Variants in MADD observed in about 807,000 individuals in gnomAD.
MADD encodes MAP kinase-activating death domain protein.
In MADD, 109 loss-of-function variants were observed where a neutral mutation model predicts 176.7. The observed-to-expected ratio is 0.62, with a 90% CI of 0.53 to 0.72. MADD has a LOEUF of 0.72. Among genes scored for constraint, MADD ranks in the 30% least tolerant of loss-of-function variants. The probability of loss-of-function intolerance (pLI) is 0.00; values close to 1 mark genes in which losing one functional copy is unlikely to be tolerated. For missense variants in MADD, 1,914 were observed against 2,045.5 expected (o/e 0.94, Z 1.24); for synonymous variants, 771 against 771.3 (o/e 1.00, Z 0.01).
intron 28 of MADD, 133 bp downstream of exon 31, chr11:47,323,968 C>A: frequency 9.9e-7 from 1 of 1,010,776 alleles, no homozygotes; most frequent in Non-Finnish European, 1.4e-6. Context: ...GGGTGGAGTA[C>A]CTAAAGCTGT....
At chr11:47,295,701 G>A in intron 21 of MADD, 122 bp downstream of exon 23, 1 of 1,557,324 alleles carries the variant, frequency 6.4e-7, no homozygotes, top group Non-Finnish European at 8.7e-7. Flanking sequence ...TCATGGTGGA[G>A]ATGTTTACCA....
chr11:47,302,393 T>C (rs570351133), intron 22 of MADD, among the ~76,000 whole-genome samples: 15 of 152,312 alleles, frequency 9.8e-5, no homozygotes, highest in Admixed American at 8.5e-4. Context: ...TTTGTATTTT[T>C]AGTAAAGACA....
intron 5 of MADD, 94 bp from the exon 6 acceptor site, chr11:47,278,071 G>T (rs2052264093): frequency 1.2e-6 from 1 of 826,704 alleles, no homozygotes; most frequent in Non-Finnish European, 2.1e-6. Flanking sequence ...AAGAGGGATT[G>T]TATCTGCATT....
intron 25 of MADD, 117 bp downstream of exon 28, chr11:47,309,729 C>G: frequency 2.8e-6 from 2 of 712,184 alleles, no homozygotes; most frequent in Non-Finnish European, 4.8e-6. Context: ...TTAGGGCTAT[C>G]TTCTTGATTG....
In MADD at chr11:47,328,716, G is replaced by T; in HGVS notation, c.4659+12G>T. 1 of 1,614,030 alleles carries T rather than the reference G, an allele frequency of 6.2e-7. No homozygotes were observed. The highest frequency in any genetic ancestry group is 8.5e-7 in the Non-Finnish European group (1 of 1,179,952). On this transcript the variant is annotated intron_variant, in intron 32 of 32. Transcript: ENST00000402192. The stretch of plus-strand genomic sequence containing the variant: ...ACAAGACACCAATGGTGAGTGTGCC[G>T]CTCAACCCTGATGGGCCACGGTGCG...
intron 22 of MADD, among the ~76,000 whole-genome samples, chr11:47,299,611 T>TTTG (rs2139813504): frequency 1.8e-5 from 1 of 56,390 alleles, no homozygotes; most frequent in South Asian, 7.4e-4. Flanking sequence ...TTTTTTTTTT[T>TTTG]TAGATGGAAC....
At chr11:47,303,264 CGG>C (rs1593950495) in intron 22 of MADD, among the ~76,000 whole-genome samples, 1 of 111,272 alleles carries the variant, frequency 9.0e-6, no homozygotes, top group East Asian at 2.8e-4. Context: ...TTTTTTGAGA[CGG>C]AGTCTCACTC....
intron 27 of MADD, among the ~76,000 whole-genome samples, chr11:47,322,627 A>C (rs938207214): frequency 3.9e-5 from 6 of 152,100 alleles, no homozygotes; most frequent in African/African-American, 1.2e-4. Context: ...AAGAACAGAT[A>C]ACTTCACCTG....
At chr11:47,310,634 G>C (rs539554068) in intron 25 of MADD, among the ~76,000 whole-genome samples, 8 of 151,826 alleles carry the variant, frequency 5.3e-5, no homozygotes, top group Non-Finnish European at 1.2e-4. Context: ...GACCAGGCGC[G>C]GTGGCTCATG....
chr11:47,296,766 T>TTTG (rs1555059861), intron 22 of MADD, among the ~76,000 whole-genome samples: 1 of 144,836 alleles, frequency 6.9e-6, no homozygotes, highest in Non-Finnish European at 1.5e-5. Context: ...TTTTTGTTGT[T>TTTG]TTTTTTTTTT....
At chr11:47,269,644 G>A (rs1239936726), upstream of MADD, 2 of 150,824 alleles carry the variant, frequency 1.3e-5, no homozygotes, top group African/African-American at 4.9e-5. Flanking sequence ...GCCCGGTGGA[G>A]GTAACCGCGG....
Position 47,289,484 on chromosome 11 carries a change from G to A in MADD, c.2747G>A (p.Ser916Asn), listed in dbSNP as rs766181855. 30 of 1,613,846 alleles carry A rather than the reference G, an allele frequency of 1.9e-5. No individual in the cohort carries two copies. The South Asian group carries it at 2.0e-4, about 11-fold the overall frequency. The stretch of plus-strand genomic sequence containing the variant: ...CCTCCATCACCCCAGGGTCGATCCA[G>A]CAATTCTAGGTAATAAATGGTAGAG... Residue 916 changes from serine to asparagine, a missense_variant, in exon 16 of 33, where the codon AGC becomes AAC. By Grantham distance (46) the Ser-to-Asn change is conservative. Around this residue, in one of 2 missense-constraint regions of MADD, gnomAD observed 1,767 missense variants for 1,836.0 expected, o/e 0.96. Transcript: ENST00000402192.
exon 33 of MADD, chr11:47,329,306 CCT>C: frequency 1.6e-6 from 1 of 641,492 alleles, no homozygotes; most frequent in Non-Finnish European, 2.8e-6. Flanking sequence ...GTTATGTGTC[CCT>C]CTGAGTGTGT....
rs551947366 is a variant in MADD, at chr11:47,324,249, T to C, written c.4363-16T>C. The C allele has an allele frequency of 7.4e-6, 12 of 1,612,864 alleles. No homozygotes were observed. The East Asian group carries it at 2.2e-4, about 30-fold the overall frequency. ...GACAGCCCTCATGATGGGACCACTC[T>C]CCCCCTGTGCCACAGTGTCGGGAGC... On this transcript the variant is annotated splice_polypyrimidine_tract_variant and intron_variant, in intron 28 of 32. Transcript: ENST00000402192.
In MADD at chr11:47,325,624, C is replaced by T. The variant is rs2095361439; in HGVS notation, c.4542+1047C>T. Reference sequence around the variant, plus strand: ...TATATTTTCAATTTAGGACTTAGGGCAGTAGCCAACCCCAAAGACCTTAGG... The same window carrying T: ...TATATTTTCAATTTAGGACTTAGGGTAGTAGCCAACCCCAAAGACCTTAGG... On this transcript the variant is annotated intron_variant, in intron 30 of 32. Coordinates refer to ENST00000402192, the Ensembl canonical transcript of MADD. The surrounding 1 kb of genome is among the most constrained non-coding windows in gnomAD (Gnocchi z 4.5). Among the ~76,000 whole-genome samples the T allele has an allele frequency of 6.6e-6, 1 of 152,238 alleles. No homozygotes were observed. Among genetic ancestry groups the T allele is most frequent in the African/African-American group, 2.4e-5 (1 of 41,454 alleles).
intron 27 of MADD, among the ~76,000 whole-genome samples, chr11:47,321,334 TTGAC>T (rs1378491198): frequency 6.6e-6 from 1 of 152,222 alleles, no homozygotes. Flanking sequence ...CTCTGCCACT[TTGAC>T]TGATTCTTCA....
chr11:47,276,552 G>C (rs764842286), intron 4 of MADD, among the ~76,000 whole-genome samples, 180 bp from the exon 5 acceptor site: 1 of 152,226 alleles, frequency 6.6e-6, no homozygotes, highest in Non-Finnish European at 1.5e-5. Context: ...AGGTGACTGA[G>C]GATCACCATT....
intron 23 of MADD, 103 bp from the exon 26 acceptor site, chr11:47,308,877 C>T (rs2085460100): frequency 8.3e-7 from 1 of 1,207,318 alleles, no homozygotes; most frequent in South Asian, 1.3e-5. Context: ...TGGGTGAAAA[C>T]TGGACAAGAT....
chr11:47,285,692 G>A, intron 14 of MADD, 102 bp downstream of exon 14: 3 of 1,519,946 alleles, frequency 2.0e-6, no homozygotes, highest in Non-Finnish European at 2.7e-6. Flanking sequence ...GTAGGGCTAG[G>A]TTGGCATTAG....
Sources: gnomAD v4.1 joint callset for allele counts (sites outside exome capture counted in the v4.1 genomes callset) on GRCh38, gnomAD v4.1.1 for gene constraint, gnomAD v4.1.1 regional missense constraint, Gnocchi (gnomAD v3.1) non-coding constraint, MANE v1.5 for transcripts, NCBI Gene and HGNC (gene_info 2026-07-23, HGNC 2026-07-21) for gene names.